SYNJ1: variants seen among roughly 807,000 people sequenced by gnomAD.
The protein encoded by SYNJ1 is synaptojanin 1.
In SYNJ1, 78 loss-of-function variants were observed where a neutral mutation model predicts 168.2. That is an observed-to-expected ratio of 0.46 (90% CI 0.39 to 0.56). The LOEUF (loss-of-function observed/expected upper bound fraction) is 0.56, where lower values mean the gene tolerates loss of function less well. Ranked by LOEUF, SYNJ1 falls within the 20% of genes least tolerant of loss-of-function variation. The pLI is 0.00. For synonymous variants in SYNJ1, 539 were observed against 548.6 expected (o/e 0.98, Z 0.24); for missense variants, 1,303 against 1,597.6 (o/e 0.82, Z 3.14).
At chr21:32,728,285 G>A, upstream of SYNJ1, 3 of 481,094 alleles carry the variant, frequency 6.2e-6, no homozygotes, top group Non-Finnish European at 7.3e-6. Flanking sequence ...TCTTCAGAGC[G>A]TGAGCGCCGG....
intron 2 of SYNJ1, among the ~76,000 whole-genome samples, chr21:32,720,880 T>C (rs2043195550): frequency 6.6e-6 from 1 of 152,250 alleles, no homozygotes; most frequent in South Asian, 2.1e-4. Context: ...AATTATGAAA[T>C]GAATCATTCA....
chr21:32,694,209 C>T lies in SYNJ1; in HGVS notation c.789+19G>A, dbSNP rs1479451368. 1 of 1,509,572 alleles carries T rather than the reference C, an allele frequency of 6.6e-7. No individual in the cohort carries two copies. Among genetic ancestry groups the T allele is most frequent in the Non-Finnish European group, 8.8e-7 (1 of 1,134,140 alleles). The allele number at this position is 1,509,572 out of a possible 1,614,324, so 93.5% of individuals were successfully genotyped here. The stretch of plus-strand genomic sequence containing the variant: ...AAAATTGTTCAAAAAACAAAAATAA[C>T]TGAATGTCAAACACATACTTGCAAC... On this transcript the variant is annotated intron_variant, in intron 6 of 32. Coordinates refer to ENST00000674351, the MANE Select transcript of SYNJ1 (RefSeq NM_203446.3).
intron 8 of SYNJ1, among the ~76,000 whole-genome samples, chr21:32,686,586 CATTCACA>C (rs1163672255): frequency 6.6e-6 from 1 of 152,186 alleles, no homozygotes; most frequent in Non-Finnish European, 1.5e-5. Flanking sequence ...ATAAATGCAT[CATTCACA>C]ATTCCATAGG....
chr21:32,701,122 C>A (rs2042384574), intron 3 of SYNJ1, among the ~76,000 whole-genome samples: 1 of 152,078 alleles, frequency 6.6e-6, no homozygotes, highest in Non-Finnish European at 1.5e-5. Context: ...AAAGCAAATA[C>A]CTCATTATAC....
intron 18 of SYNJ1, among the ~76,000 whole-genome samples, chr21:32,659,148 TAAG>T (rs1020668962): frequency 3.3e-5 from 5 of 151,038 alleles, no homozygotes; most frequent in African/African-American, 1.2e-4. Flanking sequence ...TCATAAGCTT[TAAG>T]AAGTGTTTCA....
intron 13 of SYNJ1, among the ~76,000 whole-genome samples, chr21:32,673,796 C>G (rs570501992): frequency 6.7e-6 from 1 of 149,474 alleles, no homozygotes; most frequent in Non-Finnish European, 1.5e-5. Context: ...ACTACACATA[C>G]AGAATTATTG....
intron 6 of SYNJ1, among the ~76,000 whole-genome samples, chr21:32,690,561 G>A (rs1203603021): frequency 6.6e-6 from 1 of 152,142 alleles, no homozygotes; most frequent in Non-Finnish European, 1.5e-5. Context: ...TCCAGAAAGT[G>A]TTAAGGCTTT....
intron 2 of SYNJ1, among the ~76,000 whole-genome samples, chr21:32,713,056 T>A (rs544583432): frequency 2.6e-5 from 4 of 152,372 alleles, no homozygotes; most frequent in Admixed American, 2.0e-4. Context: ...AATATTTTAA[T>A]ATTCATAAAA....
At position 32,697,662 on chromosome 21, in the gene SYNJ1, G is replaced by A. The variant is rs112425152; in HGVS notation, c.479+2176C>T. On this transcript the variant is annotated intron_variant, in intron 4 of 32. Coordinates refer to ENST00000674351, the MANE Select transcript of SYNJ1 (RefSeq NM_203446.3). ...TAAAAACACAAAAATATTAGCCTGCGTGGTGGCGCACGCCTGTGGTCCCAG... is the reference window on the plus strand; with the variant it reads ...TAAAAACACAAAAATATTAGCCTGCATGGTGGCGCACGCCTGTGGTCCCAG... 1.2e-4 allele frequency among the ~76,000 whole-genome samples: 18 copies of A among 152,284 alleles called. 1 individual carries two copies. The highest frequency in any genetic ancestry group is 3.9e-4 in the East Asian group (2 of 5,170).
Position 32,672,434 on chromosome 21 carries a change from G to C in SYNJ1, c.1726+906C>G, listed in dbSNP as rs545778465. Among the ~76,000 whole-genome samples the C allele has an allele frequency of 4.6e-5, 7 of 151,744 alleles. No individual in the cohort carries two copies. In the South Asian group the frequency reaches 1.5e-3, roughly 32 times the overall value. On this transcript the variant is annotated intron_variant, in intron 14 of 32. Transcript: ENST00000674351. ...CGCTCACTGCAACCTCTACCTCCTG[G>C]ATTCAAACATTTCTCCTGCCTCAGC...
intron 14 of SYNJ1, among the ~76,000 whole-genome samples, chr21:32,672,620 G>A (rs768974091): frequency 6.6e-6 from 1 of 152,154 alleles, no homozygotes; most frequent in Non-Finnish European, 1.5e-5. Context: ...GATTACAGGC[G>A]TGAGCCACCG....
At chr21:32,678,465 T>A (rs1233526460) in intron 12 of SYNJ1, among the ~76,000 whole-genome samples, 180 bp downstream of exon 12, 1 of 152,188 alleles carries the variant, frequency 6.6e-6, no homozygotes, top group Non-Finnish European at 1.5e-5. Context: ...TACCACTGAT[T>A]GTACAAATAT....
intron 15 of SYNJ1, among the ~76,000 whole-genome samples, chr21:32,667,747 CATTT>C (rs563201316): frequency 1.8e-3 from 273 of 152,240 alleles, no homozygotes; most frequent in African/African-American, 5.5e-3. Context: ...CTTGATCATT[CATTT>C]GAGACTTCCA....
chr21:32,682,375 C>G (rs1218845598), intron 10 of SYNJ1, among the ~76,000 whole-genome samples: 6 of 152,190 alleles, frequency 3.9e-5, no homozygotes, highest in Non-Finnish European at 8.8e-5. Flanking sequence ...TAGTCATATT[C>G]TATGCCTTGC....
chr21:32,719,640 T>C (rs1046961099), intron 2 of SYNJ1, among the ~76,000 whole-genome samples: 1 of 149,840 alleles, frequency 6.7e-6, no homozygotes, highest in African/African-American at 2.5e-5. Context: ...CTTGAACCCG[T>C]AGGCAGAGGT....
intron 2 of SYNJ1, among the ~76,000 whole-genome samples, chr21:32,718,661 T>TAA (rs906195823): frequency 7.0e-6 from 1 of 142,182 alleles, no homozygotes. Context: ...GTTTGGCAAT[T>TAA]AAAAAAAAAA....
intron 26 of SYNJ1, among the ~76,000 whole-genome samples, chr21:32,644,241 C>T (rs1400602160): frequency 6.6e-6 from 1 of 152,140 alleles, no homozygotes; most frequent in African/African-American, 2.4e-5. Context: ...TAGCTGTATT[C>T]GGCAGAAGCT....
chr21:32,705,290 C>A (rs1276889707), intron 2 of SYNJ1, among the ~76,000 whole-genome samples: 2 of 152,012 alleles, frequency 1.3e-5, no homozygotes, highest in African/African-American at 4.8e-5. Flanking sequence ...ACTGAGCAGA[C>A]CCAGGATCTA....
intron 23 of SYNJ1, among the ~76,000 whole-genome samples, chr21:32,649,819 G>A (rs1035684615): frequency 1.3e-5 from 2 of 152,020 alleles, no homozygotes; most frequent in African/African-American, 4.8e-5. Flanking sequence ...GCACAATCTC[G>A]GCTCACTGCA....
Sources: gnomAD v4.1 joint callset for allele counts (sites outside exome capture counted in the v4.1 genomes callset) on GRCh38, gnomAD v4.1.1 for gene constraint, MANE v1.5 for transcripts, NCBI Gene and HGNC (gene_info 2026-07-23, HGNC 2026-07-21) for gene names.